The following USP3 variants were observed in gnomAD, a reference collection of about 807,000 sequenced individuals.
The protein encoded by USP3 is ubiquitin carboxyl-terminal hydrolase 3.
In USP3, 20 loss-of-function variants were observed where a neutral mutation model predicts 72.3. The ratio of observed to expected loss-of-function variants is 0.28; its 90% CI spans 0.19 to 0.40. The LOEUF is 0.40. Ranked by LOEUF, USP3 falls within the 10% of genes least tolerant of loss-of-function variation. The pLI is 1.00. For missense variants in USP3, 479 were observed against 633.9 expected, an observed-to-expected ratio of 0.76 and a Z score of 2.62; for synonymous variants, 222 against 225.3, an observed-to-expected ratio of 0.99 and a Z score of 0.13.
chr15:63,575,342 C>G (rs185748898), intron 11 of USP3, among the ~76,000 whole-genome samples: 1 of 152,158 alleles, frequency 6.6e-6, no homozygotes, highest in East Asian at 1.9e-4. Flanking sequence ...CAGCACTACC[C>G]TAGGATCAGA....
At chr15:63,538,707 G>A (rs2066197250) in intron 3 of USP3, among the ~76,000 whole-genome samples, 1 of 151,854 alleles carries the variant, frequency 6.6e-6, no homozygotes, top group African/African-American at 2.4e-5. Flanking sequence ...CACCACTCCC[G>A]GCTAATTTTT....
Position 63,504,766 on chromosome 15 carries a change from C to T in USP3, c.27C>T (p.Ser9=). 1.2e-6 allele frequency: 2 copies of T among 1,611,494 alleles called. No individual in the cohort carries two copies. The highest frequency in any genetic ancestry group is 8.5e-7 in the Non-Finnish European group (1 of 1,178,954). The change falls in exon 1 of 15, where the codon AGC becomes AGT. Residue 9 remains serine, a synonymous_variant. Coordinates refer to ENST00000380324, the MANE Select transcript of USP3 (RefSeq NM_006537.4). ...TGGAGTGTCCACACCTGAGCTCCAG[C>T]GTCTGCATTGCTCCGGACTCAGCCA... The part of the protein sequence containing the change: MECPHLSS[S]VCIAPDSAKF...
At chr15:63,575,192 G>A (rs2066843858) in intron 11 of USP3, among the ~76,000 whole-genome samples, 1 of 136,502 alleles carries the variant, frequency 7.3e-6, no homozygotes, top group African/African-American at 2.8e-5. Context: ...AAAACAAACT[G>A]CACTGTCCAA....
At chr15:63,539,317 A>G (rs1024737323) in intron 3 of USP3, among the ~76,000 whole-genome samples, 1 of 152,184 alleles carries the variant, frequency 6.6e-6, no homozygotes, top group Non-Finnish European at 1.5e-5. Context: ...TTTGATTTTC[A>G]GTTAGCAATG....
At chr15:63,549,204 C>G (rs1325495804) in intron 3 of USP3, among the ~76,000 whole-genome samples, 2 of 152,150 alleles carry the variant, frequency 1.3e-5, no homozygotes, top group African/African-American at 4.8e-5. Flanking sequence ...TACATCTCAA[C>G]TCGTGAAGTT....
intron 9 of USP3, among the ~76,000 whole-genome samples, chr15:63,573,766 T>C (rs1230604463): frequency 6.6e-6 from 1 of 152,228 alleles, no homozygotes; most frequent in Non-Finnish European, 1.5e-5. Context: ...GCATGTGATC[T>C]GTGTTATGAT....
At chr15:63,538,273 T>C (rs903667967) in intron 3 of USP3, among the ~76,000 whole-genome samples, 1 of 152,196 alleles carries the variant, frequency 6.6e-6, no homozygotes, top group Non-Finnish European at 1.5e-5. Context: ...AGCTTTCCCT[T>C]GATTCAGAAG....
In USP3 at chr15:63,544,462, CTT is replaced by C; in HGVS notation, c.284+7308_284+7309del. Reference sequence around the variant, plus strand: ...TTTCAATCCAAAGTTATTGTTTTGACTTTAGTAGACTAGTGTTTTGTCTTTTA... The same window carrying C: ...TTTCAATCCAAAGTTATTGTTTTGACTAGTAGACTAGTGTTTTGTCTTTTA... On this transcript the variant is annotated intron_variant, in intron 3 of 14. Coordinates refer to ENST00000380324, the MANE Select transcript of USP3 (RefSeq NM_006537.4). This position sits in a 1 kb window ranked among gnomAD's most constrained non-coding sequence, Gnocchi z 4.2. 1 of 495,116 alleles carries C rather than the reference CTT, an allele frequency of 2.0e-6. No individual in the cohort carries two copies. Among genetic ancestry groups the C allele is most frequent in the Non-Finnish European group, 3.6e-6 (1 of 280,048 alleles). The allele number at this position is 495,116 out of a possible 1,614,324, so 30.7% of individuals were successfully genotyped here. A position where few individuals can be genotyped will look rare whatever the true frequency, so the allele number is the denominator to read the frequency against.
At chr15:63,551,585 A>T (rs2066437295) in intron 3 of USP3, among the ~76,000 whole-genome samples, 1 of 152,160 alleles carries the variant, frequency 6.6e-6, no homozygotes, top group Admixed American at 6.5e-5. Flanking sequence ...GATTGGTGAT[A>T]CGCTTTTGGG....
In USP3 at chr15:63,544,720, T is replaced by TA; in HGVS notation, c.284+7565dup. On this transcript the variant is annotated intron_variant, in intron 3 of 14. Coordinates refer to ENST00000380324, the MANE Select transcript of USP3 (RefSeq NM_006537.4). The surrounding 1 kb of genome is among the most constrained non-coding windows in gnomAD (Gnocchi z 4.2). ...TAAGTGAATAGTGCGAAATGGAAAA[T>TA]ACCGAGGGGTAAGAGAGTTCATGGT... 1 of 701,946 alleles carries TA rather than the reference T, an allele frequency of 1.4e-6. No individual in the cohort carries two copies. Among genetic ancestry groups the TA allele is most frequent in the Non-Finnish European group, 2.6e-6 (1 of 384,706 alleles). 43.5% of individuals were successfully genotyped at this position (701,946 alleles called of 1,614,324 possible).
At chr15:63,549,869 T>G (rs1456519718) in intron 3 of USP3, among the ~76,000 whole-genome samples, 1 of 152,230 alleles carries the variant, frequency 6.6e-6, no homozygotes, top group Non-Finnish European at 1.5e-5. Context: ...GTTAACAGAA[T>G]TGTAAATCTT....
intron 1 of USP3, chr15:63,530,364 C>T (rs913865029): frequency 6.8e-6 from 1 of 147,262 alleles, no homozygotes; most frequent in Admixed American, 6.9e-5. Context: ...TTTGCTCTGT[C>T]ACCCAAACTA....
intron 14 of USP3, among the ~76,000 whole-genome samples, chr15:63,589,376 C>G (rs1273871372): frequency 6.6e-6 from 1 of 152,162 alleles, no homozygotes; most frequent in Admixed American, 6.5e-5. Context: ...CATTTTAAGT[C>G]TTGTTAAAAA....
At chr15:63,556,883 A>G (rs1344883162) in intron 5 of USP3, 135 bp downstream of exon 5, 3 of 684,254 alleles carry the variant, frequency 4.4e-6, no homozygotes. Flanking sequence ...ATTTTACACA[A>G]TGTTTGCCAC....
intron 7 of USP3, 87 bp downstream of exon 7, chr15:63,560,057 A>G (rs1408134421): frequency 5.7e-6 from 6 of 1,053,686 alleles, no homozygotes; most frequent in Non-Finnish European, 8.1e-6. Flanking sequence ...AAGTGAGCTA[A>G]CAGGCACATG....
intron 1 of USP3, among the ~76,000 whole-genome samples, chr15:63,530,181 A>G (rs953874912): frequency 2.0e-5 from 3 of 152,080 alleles, no homozygotes; most frequent in Non-Finnish European, 4.4e-5. Flanking sequence ...TTACTATTGT[A>G]ACGTAATTAT....
At chr15:63,514,957 C>T (rs965254913) in intron 1 of USP3, among the ~76,000 whole-genome samples, 2 of 152,166 alleles carry the variant, frequency 1.3e-5, no homozygotes, top group Non-Finnish European at 2.9e-5. Context: ...TTAAGTAGTT[C>T]ATGGCTTTTG....
chr15:63,514,634 GAT>G (rs1348019760), intron 1 of USP3, among the ~76,000 whole-genome samples: 2 of 152,066 alleles, frequency 1.3e-5, no homozygotes, highest in African/African-American at 4.8e-5. Context: ...GTACAATGCA[GAT>G]ATTAAGCCTA....
At chr15:63,586,480 C>G (rs978394468) in intron 11 of USP3, 7 of 152,240 alleles carry the variant, frequency 4.6e-5, no homozygotes, top group African/African-American at 1.4e-4. Flanking sequence ...GTAACAAATA[C>G]TTGCTGAAGA....
Sources: gnomAD v4.1 joint callset for allele counts (sites outside exome capture counted in the v4.1 genomes callset) on GRCh38, gnomAD v4.1.1 for gene constraint, Gnocchi (gnomAD v3.1) non-coding constraint, MANE v1.5 for transcripts, NCBI Gene and HGNC (gene_info 2026-07-23, HGNC 2026-07-21) for gene names.